Variants in AUTS2 observed in about 807,000 individuals in gnomAD.
The protein encoded by AUTS2 is autism susceptibility gene 2 protein.
In AUTS2, 17 loss-of-function variants were observed where a neutral mutation model predicts 112.4. That is an observed-to-expected ratio of 0.15 (90% CI 0.10 to 0.23). The LOEUF (loss-of-function observed/expected upper bound fraction) is 0.23, where lower values mean the gene tolerates loss of function less well. Among genes scored for constraint, AUTS2 ranks in the 10% least tolerant of loss-of-function variants. AUTS2 has a pLI of 1.00. For missense variants in AUTS2, 1,510 were observed against 1,701.6 expected (o/e 0.89, Z 1.98); for synonymous variants, 751 against 702.7 (o/e 1.07, Z -1.09).
At chr7:70,786,931 A>T in intron 17 of AUTS2, 1 of 499,976 alleles carries the variant, frequency 2.0e-6, no homozygotes, top group Non-Finnish European at 3.6e-6. Flanking sequence ...GAATTAGGTC[A>T]TCTCAGTACC....
At chr7:69,601,657 G>T (rs1792415914) in intron 1 of AUTS2, among the ~76,000 whole-genome samples, 1 of 152,052 alleles carries the variant, frequency 6.6e-6, no homozygotes, top group Non-Finnish European at 1.5e-5. Context: ...GTTACTCTCT[G>T]GTTCTAGAAT....
intron 4 of AUTS2, among the ~76,000 whole-genome samples, chr7:70,246,692 C>T (rs1459293677): frequency 1.3e-5 from 2 of 151,766 alleles, no homozygotes; most frequent in African/African-American, 2.4e-5. Context: ...ACTACTCTTC[C>T]GTGTAAATTT....
intron 1 of AUTS2, among the ~76,000 whole-genome samples, chr7:69,618,710 A>G (rs1289877458): frequency 6.6e-6 from 1 of 152,212 alleles, no homozygotes; most frequent in East Asian, 1.9e-4. Context: ...AATATTTTCT[A>G]GGTATGGAAA....
chr7:70,281,866 C>T (rs1208570786), intron 4 of AUTS2, among the ~76,000 whole-genome samples: 1 of 152,132 alleles, frequency 6.6e-6, no homozygotes, highest in Non-Finnish European at 1.5e-5. Context: ...AGTGAGGAAG[C>T]CAGAACAGCA....
chr7:70,708,132 A>G (rs1193147211), intron 6 of AUTS2, among the ~76,000 whole-genome samples: 2 of 152,202 alleles, frequency 1.3e-5, no homozygotes, highest in African/African-American at 2.4e-5. Flanking sequence ...CCTCTTATCT[A>G]TCACCTTTCA....
chr7:69,769,606 C>T (rs1788575552), intron 1 of AUTS2, among the ~76,000 whole-genome samples: 1 of 152,216 alleles, frequency 6.6e-6, no homozygotes, highest in South Asian at 2.1e-4. Context: ...ATATCTCCCT[C>T]CCCTCCTTTC....
chr7:70,335,098 G>A (rs138665167), intron 4 of AUTS2, among the ~76,000 whole-genome samples: 1 of 152,268 alleles, frequency 6.6e-6, no homozygotes, highest in African/African-American at 2.4e-5. Flanking sequence ...TTGTTATGAT[G>A]TGTGGGCTTT....
intron 2 of AUTS2, among the ~76,000 whole-genome samples, chr7:70,092,499 T>TA (rs985381687): frequency 3.3e-5 from 5 of 151,910 alleles, no homozygotes; most frequent in Non-Finnish European, 7.4e-5. Context: ...TAAATGGCAA[T>TA]AAAAAAGAGA....
intron 5 of AUTS2, among the ~76,000 whole-genome samples, chr7:70,629,823 T>C (rs374257051): frequency 3.2e-4 from 49 of 152,322 alleles, no homozygotes; most frequent in African/African-American, 1.2e-3. Context: ...TTTTAGCTCC[T>C]GATCTCATAC....
rs78003881 is a variant in AUTS2 at position 69,827,233 on chromosome 7, C to T, written c.310-72053C>T. Among the ~76,000 whole-genome samples the T allele has an allele frequency of 8.9e-3, 1,354 of 152,212 alleles. 23 individuals are homozygous for T. Among genetic ancestry groups the T allele is most frequent in the African/African-American group, 0.031 (1,287 of 41,522 alleles). The stretch of plus-strand genomic sequence containing the variant: ...TCTTTTCTCCCTCTTATAAGCAAAG[C>T]GTCTTTTTGCTTCCTTGCCCCCAAT... On this transcript the variant is annotated intron_variant, in intron 1 of 18. Transcript: ENST00000342771.
Position 69,670,555 on chromosome 7 carries a change from C to CAAA in AUTS2, c.309+70627_309+70629dup, listed in dbSNP as rs200373158. ...CATGGTTGTTTTTTACTTGATCCCT[C>CAAA]AAAAAAAAAAAAAAAAAAAAAAAAA... On this transcript the variant is annotated intron_variant, in intron 1 of 18. Transcript: ENST00000342771. Among the ~76,000 whole-genome samples, 94 of 119,050 alleles carry CAAA rather than the reference C, an allele frequency of 7.9e-4. 8 individuals are homozygous for CAAA. The highest frequency in any genetic ancestry group is 1.1e-3 in the Non-Finnish European group (64 of 58,220). 78.1% of individuals were successfully genotyped at this position (119,050 alleles called of 152,430 possible).
At position 70,491,770 on chromosome 7, in the gene AUTS2, A is replaced by G. The variant is rs568786295; in HGVS notation, c.690+55989A>G. Reference sequence around the variant, plus strand: ...GCTGGGATTACAGGTGCCCAGCACCATGCCCAGCTAATTTTTGTATTTTTA... The same window carrying G: ...GCTGGGATTACAGGTGCCCAGCACCGTGCCCAGCTAATTTTTGTATTTTTA... On this transcript the variant is annotated intron_variant, in intron 5 of 18. Transcript: ENST00000342771. 4.6e-5 allele frequency among the ~76,000 whole-genome samples: 7 copies of G among 151,986 alleles called. No individual in the cohort carries two copies. In the South Asian group the frequency reaches 1.2e-3, roughly 27 times the overall value.
chr7:70,713,850 C>T (rs367607228), intron 6 of AUTS2, among the ~76,000 whole-genome samples: 2 of 151,246 alleles, frequency 1.3e-5, no homozygotes. Flanking sequence ...GAGCGGAGAT[C>T]GCGCCATTGC....
intron 5 of AUTS2, among the ~76,000 whole-genome samples, chr7:70,578,366 C>A (rs901673194): frequency 9.2e-5 from 14 of 152,312 alleles, no homozygotes; most frequent in Admixed American, 3.3e-4. Context: ...GTGATGTCTG[C>A]CATGAGCATG....
At chr7:70,382,133 A>T (rs1205491301) in intron 4 of AUTS2, among the ~76,000 whole-genome samples, 3 of 152,104 alleles carry the variant, frequency 2.0e-5, no homozygotes, top group African/African-American at 7.2e-5. Context: ...ACGTGTCTGT[A>T]ATCTCCTCTT....
intron 4 of AUTS2, among the ~76,000 whole-genome samples, chr7:70,384,486 T>C (rs945235737): frequency 6.6e-6 from 1 of 152,244 alleles, no homozygotes; most frequent in African/African-American, 2.4e-5. Flanking sequence ...TCTGCCATCC[T>C]AACAGAAGCT....
At chr7:69,787,938 T>TA (rs1198371236) in intron 1 of AUTS2, among the ~76,000 whole-genome samples, 1 of 152,158 alleles carries the variant, frequency 6.6e-6, no homozygotes, top group Non-Finnish European at 1.5e-5. Context: ...AAGTGGAACT[T>TA]TTATTAAGGA....
At chr7:70,247,449 T>C (rs937735110) in intron 4 of AUTS2, among the ~76,000 whole-genome samples, 1 of 152,180 alleles carries the variant, frequency 6.6e-6, no homozygotes, top group Non-Finnish European at 1.5e-5. Context: ...ATGGTGGTGA[T>C]AATTGAACAA....
intron 6 of AUTS2, among the ~76,000 whole-genome samples, chr7:70,741,700 A>G (rs184154025): frequency 2.0e-5 from 3 of 152,138 alleles, no homozygotes; most frequent in Admixed American, 2.0e-4. Flanking sequence ...TCAAAAAAAA[A>G]AAAGAAAGAA....
Sources: gnomAD v4.1 joint callset for allele counts (sites outside exome capture counted in the v4.1 genomes callset) on GRCh38, gnomAD v4.1.1 for gene constraint, MANE v1.5 for transcripts, NCBI Gene and HGNC (gene_info 2026-07-23, HGNC 2026-07-21) for gene names.